The following PPARGC1A variants were observed in gnomAD, a reference collection of about 807,000 sequenced individuals.
PPARGC1A encodes PPARG coactivator 1 alpha.
PPARGC1A carries 25 observed loss-of-function variants against 88.7 expected under a neutral mutation model. The observed-to-expected ratio is 0.28, with a 90% CI of 0.21 to 0.39. The LOEUF (loss-of-function observed/expected upper bound fraction) is 0.39. PPARGC1A is among the 10% of genes least tolerant of loss of function. PPARGC1A has a pLI of 1.00. For synonymous variants in PPARGC1A, 363 were observed against 355.6 expected (o/e 1.02, Z -0.24); for missense variants, 880 against 968.7 (o/e 0.91, Z 1.22).
the PPARGC1A span, among the ~76,000 whole-genome samples, chr4:24,257,362 C>T: frequency 6.6e-5 from 10 of 152,198 alleles, no homozygotes; most frequent in African/African-American, 1.4e-4. Context: ...TCTCTATGAT[C>T]GATTTTAAAG....
At position 23,856,399 on chromosome 4, in the gene PPARGC1A, TG is replaced by T. The variant is rs1289196114; in HGVS notation, c.235-24649del. ...TAACATACAAAATGCCTTTGTTCGT[TG>T]GCTTTCATCAGCCCCATCAGAGAGA... On this transcript the variant is annotated intron_variant, in intron 2 of 12. Coordinates refer to ENST00000264867, the MANE Select transcript of PPARGC1A (RefSeq NM_013261.5). 3.9e-5 allele frequency among the ~76,000 whole-genome samples: 6 copies of T among 152,338 alleles called. No individual in the cohort carries two copies. The East Asian group carries it at 9.7e-4, about 25-fold the overall frequency.
chr4:23,999,253 T>C, the PPARGC1A span, among the ~76,000 whole-genome samples: 4 of 152,338 alleles, frequency 2.6e-5, 1 homozygote, highest in African/African-American at 9.6e-5. Flanking sequence ...TATGAAAGCA[T>C]TGTCTGTTTG....
intron 2 of PPARGC1A, among the ~76,000 whole-genome samples, chr4:23,859,780 C>CAAAATAAAATAAAATAAAATAAAAT (rs66852812): frequency 8.4e-6 from 1 of 118,476 alleles, no homozygotes; most frequent in East Asian, 2.6e-4. Flanking sequence ...GACACCGTCT[C>CAAAATAAAATAAAATAAAATAAAAT]AAAATAAAAT....
At chr4:24,423,457 T>C in the PPARGC1A span, among the ~76,000 whole-genome samples, 4 of 152,194 alleles carry the variant, frequency 2.6e-5, no homozygotes, top group Admixed American at 2.0e-4. Flanking sequence ...TAAATAACTA[T>C]TTCTCACTAA....
chr4:24,237,042 A>G, the PPARGC1A span, among the ~76,000 whole-genome samples: 1 of 152,204 alleles, frequency 6.6e-6, no homozygotes, highest in African/African-American at 2.4e-5. Context: ...GGCAGGTGCC[A>G]AAAACATGTA....
chr4:24,191,444 T>G, the PPARGC1A span, among the ~76,000 whole-genome samples: 6 of 152,338 alleles, frequency 3.9e-5, 1 homozygote, highest in African/African-American at 1.4e-4. Context: ...GTCTAGTTCC[T>G]AAGCCAATGC....
chr4:24,317,340 A>G, the PPARGC1A span, among the ~76,000 whole-genome samples: 1 of 152,014 alleles, frequency 6.6e-6, no homozygotes, highest in Non-Finnish European at 1.5e-5. Flanking sequence ...TAGCAGGGAA[A>G]GTGTGACCAG....
the PPARGC1A span, among the ~76,000 whole-genome samples, chr4:24,043,514 C>G: frequency 6.6e-6 from 1 of 152,118 alleles, no homozygotes; most frequent in Admixed American, 6.6e-5. Context: ...TCATTATAAA[C>G]ACCCCTTTTC....
At chr4:23,994,179 T>C in the PPARGC1A span, among the ~76,000 whole-genome samples, 6 of 152,174 alleles carry the variant, frequency 3.9e-5, no homozygotes, top group Non-Finnish European at 7.3e-5. Context: ...TTTCCCTCTG[T>C]CCTGCTTAAC....
chr4:23,867,669 G>T (rs1274245212), intron 2 of PPARGC1A, among the ~76,000 whole-genome samples: 1 of 152,152 alleles, frequency 6.6e-6, no homozygotes, highest in Admixed American at 6.5e-5. Context: ...ATAAATGAAA[G>T]TAAGGTCAGA....
intron 10 of PPARGC1A, among the ~76,000 whole-genome samples, chr4:23,812,110 G>T (rs1721019073): frequency 6.6e-6 from 1 of 151,406 alleles, no homozygotes; most frequent in Non-Finnish European, 1.5e-5. Context: ...TAGAGACAGG[G>T]TTTCCTGTCT....
chr4:24,090,918 C>T, the PPARGC1A span, among the ~76,000 whole-genome samples: 1 of 152,198 alleles, frequency 6.6e-6, no homozygotes, highest in African/African-American at 2.4e-5. Flanking sequence ...ATGAAAACTG[C>T]TTCTACACCA....
the PPARGC1A span, among the ~76,000 whole-genome samples, chr4:23,974,799 A>ATTTTTTTTTTTTTTTT: frequency 2.8e-3 from 172 of 61,112 alleles, 9 homozygotes; most frequent in East Asian, 0.022. Context: ...GGCCCGGCTA[A>ATTTTTTTTTTTTTTTT]TTTTTTTTTT....
chr4:24,004,176 C>T, the PPARGC1A span, among the ~76,000 whole-genome samples: 5 of 152,106 alleles, frequency 3.3e-5, no homozygotes, highest in African/African-American at 1.2e-4. Flanking sequence ...ATTAAGAAAG[C>T]CCAAACTCGA....
chr4:24,432,717 G>C, the PPARGC1A span, among the ~76,000 whole-genome samples: 1 of 152,168 alleles, frequency 6.6e-6, no homozygotes, highest in Non-Finnish European at 1.5e-5. Context: ...ACCTCTGTGA[G>C]TGTCTTGTCT....
At chr4:24,027,158 C>T in the PPARGC1A span, among the ~76,000 whole-genome samples, 1 of 151,012 alleles carries the variant, frequency 6.6e-6, no homozygotes, top group African/African-American at 2.4e-5. Context: ...ACATTTTGCC[C>T]AAGATGCAGG....
the PPARGC1A span, among the ~76,000 whole-genome samples, chr4:24,165,651 T>C: frequency 2.0e-5 from 3 of 152,184 alleles, no homozygotes; most frequent in African/African-American, 4.8e-5. Context: ...GCTTTTTCAT[T>C]ATTATTATAT....
At chr4:24,271,589 G>A in the PPARGC1A span, among the ~76,000 whole-genome samples, 23,368 of 152,064 alleles carry the variant, frequency 0.15, 2,236 homozygotes, top group Middle Eastern at 0.3. Context: ...ATGTTAGCCA[G>A]GATGGTCTCA....
At chr4:24,046,352 A>AC in the PPARGC1A span, among the ~76,000 whole-genome samples, 1 of 151,832 alleles carries the variant, frequency 6.6e-6, no homozygotes, top group Non-Finnish European at 1.5e-5. Context: ...TGTCCTCTCC[A>AC]CTCCCATCCA....
Sources: allele counts gnomAD v4.1 joint callset (sites outside exome capture counted in the v4.1 genomes callset), GRCh38; gene constraint gnomAD v4.1.1; transcripts MANE v1.5; gene names NCBI Gene and HGNC (gene_info 2026-07-23, HGNC 2026-07-21).